The following PIK3C2G variants were observed in gnomAD, a reference collection of about 807,000 sequenced individuals.
The protein encoded by PIK3C2G is phosphatidylinositol-4-phosphate 3-kinase catalytic subunit type 2 gamma, also known as phosphatidylinositol 3-kinase C2 domain-containing subunit gamma.
In PIK3C2G, 168 loss-of-function variants were observed where a neutral mutation model predicts 181.1. The observed-to-expected ratio is 0.93, with a 90% CI of 0.82 to 1.05. The LOEUF is 1.05. Ranked by LOEUF, PIK3C2G falls within the 50% of genes least tolerant of loss-of-function variation. PIK3C2G has a pLI of 0.00. For missense variants in PIK3C2G, 1,869 were observed against 1,732.8 expected (o/e 1.08, Z -1.40); for synonymous variants, 573 against 592.2 (o/e 0.97, Z 0.47).
chr12:18,691,810 A>G, the PIK3C2G span, among the ~76,000 whole-genome samples: 3 of 152,312 alleles, frequency 2.0e-5, no homozygotes, highest in Admixed American at 2.0e-4. Flanking sequence ...CTTCTACATC[A>G]GAGTCACAAA....
chr12:18,645,068 A>T (rs1950044782), intron 32 of PIK3C2G, among the ~76,000 whole-genome samples: 1 of 152,206 alleles, frequency 6.6e-6, no homozygotes, highest in Non-Finnish European at 1.5e-5. Context: ...ATTTGTCAGA[A>T]GGTAGTAAAG....
Position 18,324,218 on chromosome 12 carries a change from C to CA in PIK3C2G, c.1209-805dup, listed in dbSNP as rs890423728. 6.7e-3 allele frequency among the ~76,000 whole-genome samples: 911 copies of CA among 135,118 alleles called. 8 individuals carry two copies. Among genetic ancestry groups the CA allele is most frequent in the East Asian group, 0.026 (107 of 4,176 alleles). 88.6% of individuals were successfully genotyped at this position (135,118 alleles called of 152,430 possible). A position where few individuals can be genotyped will look rare whatever the true frequency, so the allele number is the denominator to read the frequency against. ...CCTGGGCGACAGCGACACTCCGTCT[C>CA]AAAAAAAAAAAACCACTGCCATTGC... On this transcript the variant is annotated intron_variant, in intron 7 of 32. Transcript: ENST00000538779.
At chr12:18,251,179 A>AACATCTGTG (rs1948092332) in intron 1 of PIK3C2G, among the ~76,000 whole-genome samples, 2 of 151,966 alleles carry the variant, frequency 1.3e-5, no homozygotes, top group African/African-American at 4.8e-5. Context: ...ACAGATGGAG[A>AACATCTGTG]ACATCTGTGA....
At chr12:18,684,174 T>C in the PIK3C2G span, 1 of 1,612,226 alleles carries the variant, frequency 6.2e-7, no homozygotes, top group Non-Finnish European at 8.5e-7. Context: ...CCCAAGAAAT[T>C]CATTTCCTGC....
chr12:18,329,432 A>C (rs60248300), intron 8 of PIK3C2G, among the ~76,000 whole-genome samples: 6,895 of 152,048 alleles, frequency 0.045, 344 homozygotes, highest in African/African-American at 0.12. Context: ...AGGATTTTGT[A>C]GACTTTCTTT....
the PIK3C2G span, among the ~76,000 whole-genome samples, chr12:18,673,952 A>G: frequency 5.3e-5 from 8 of 152,214 alleles, no homozygotes; most frequent in Non-Finnish European, 1.2e-4. Flanking sequence ...GATGGAAGTC[A>G]CAATCAGAAG....
At chr12:18,605,683 A>G (rs1202473211) in intron 30 of PIK3C2G, among the ~76,000 whole-genome samples, 1 of 152,160 alleles carries the variant, frequency 6.6e-6, no homozygotes, top group African/African-American at 2.4e-5. Context: ...ATCTAAGCAT[A>G]GTTGAATCCC....
chr12:18,354,272 C>T (rs566843571), intron 11 of PIK3C2G, among the ~76,000 whole-genome samples: 232 of 152,268 alleles, frequency 1.5e-3, no homozygotes, highest in Admixed American at 2.9e-3. Context: ...TTACTGGGGC[C>T]AAATTCAACA....
chr12:18,349,859 A>G (rs958649196), intron 11 of PIK3C2G, among the ~76,000 whole-genome samples: 3 of 152,220 alleles, frequency 2.0e-5, no homozygotes, highest in Non-Finnish European at 4.4e-5. Flanking sequence ...TACCCAAAAC[A>G]TGTCCTGGCA....
At chr12:18,384,873 G>T (rs1381515408) in intron 14 of PIK3C2G, among the ~76,000 whole-genome samples, 1 of 152,110 alleles carries the variant, frequency 6.6e-6, no homozygotes, top group Non-Finnish European at 1.5e-5. Flanking sequence ...CACATGAAAA[G>T]CCTCTCAGCA....
intron 21 of PIK3C2G, among the ~76,000 whole-genome samples, chr12:18,497,256 G>A (rs913024400): frequency 5.9e-5 from 9 of 152,076 alleles, no homozygotes; most frequent in African/African-American, 2.2e-4. Context: ...CACTTAGAAA[G>A]AGATCTCTCT....
chr12:18,444,491 T>TG (rs1279680406), intron 18 of PIK3C2G, among the ~76,000 whole-genome samples: 1 of 152,166 alleles, frequency 6.6e-6, no homozygotes, highest in Non-Finnish European at 1.5e-5. Flanking sequence ...AACTTAATGG[T>TG]GGTTTTGACC....
At chr12:18,721,307 G>A in the PIK3C2G span, among the ~76,000 whole-genome samples, 2 of 151,992 alleles carry the variant, frequency 1.3e-5, no homozygotes, top group Non-Finnish European at 2.9e-5. Flanking sequence ...ATGAGGCTGA[G>A]GAACTTGGCA....
At chr12:18,288,290 T>C (rs937750036) in intron 3 of PIK3C2G, among the ~76,000 whole-genome samples, 5 of 152,252 alleles carry the variant, frequency 3.3e-5, no homozygotes, top group African/African-American at 1.2e-4. Context: ...ACCAAATGAT[T>C]ATTTGAAATA....
At chr12:18,382,876 C>T (rs1380257628) in intron 14 of PIK3C2G, among the ~76,000 whole-genome samples, 1 of 151,980 alleles carries the variant, frequency 6.6e-6, no homozygotes, top group Non-Finnish European at 1.5e-5. Context: ...GAAAGATGCG[C>T]AGAAAAATAT....
the PIK3C2G span, chr12:18,694,955 G>A: frequency 1.1e-4 from 172 of 1,604,412 alleles, 1 homozygote; most frequent in Non-Finnish European, 1.4e-4. Flanking sequence ...TGTTACTTGG[G>A]TTAAAGTATG....
At chr12:18,373,835 A>G (rs1249477130) in intron 13 of PIK3C2G, among the ~76,000 whole-genome samples, 3 of 152,050 alleles carry the variant, frequency 2.0e-5, no homozygotes, top group Non-Finnish European at 4.4e-5. Context: ...CCTGGGCGAC[A>G]GAGCGAGACT....
intron 29 of PIK3C2G, among the ~76,000 whole-genome samples, chr12:18,569,850 T>C (rs557894727): frequency 6.6e-6 from 1 of 152,342 alleles, no homozygotes; most frequent in Admixed American, 6.5e-5. Context: ...GATATGTTTT[T>C]TGGTCATTCG....
At chr12:18,287,358 G>A (rs865939277) in intron 3 of PIK3C2G, among the ~76,000 whole-genome samples, 120 of 152,166 alleles carry the variant, frequency 7.9e-4, no homozygotes, top group African/African-American at 2.8e-3. Flanking sequence ...GCAGAATATT[G>A]AATAAATACG....
Sources: gnomAD v4.1 joint callset for allele counts (sites outside exome capture counted in the v4.1 genomes callset) on GRCh38, gnomAD v4.1.1 for gene constraint, MANE v1.5 for transcripts, NCBI Gene and HGNC (gene_info 2026-07-23, HGNC 2026-07-21) for gene names.